The following FBXL7 variants were observed in gnomAD, a reference collection of about 807,000 sequenced individuals.
FBXL7 encodes the protein F-box and leucine rich repeat protein 7.
In FBXL7, 12 loss-of-function variants were observed where a neutral mutation model predicts 38.3. The observed-to-expected ratio is 0.31, with a 90% CI of 0.20 to 0.51. The LOEUF (loss-of-function observed/expected upper bound fraction) is 0.51. Among genes scored for constraint, FBXL7 ranks in the 20% least tolerant of loss-of-function variants. The probability of loss-of-function intolerance (pLI) is 0.98; values close to 1 mark genes in which losing one functional copy is unlikely to be tolerated. For synonymous variants in FBXL7, 297 were observed against 300.9 expected, an observed-to-expected ratio of 0.99 and a Z score of 0.13; for missense variants, 567 against 676.4, an observed-to-expected ratio of 0.84 and a Z score of 1.79.
At chr5:15,694,237 G>A (rs1743266163) in intron 2 of FBXL7, among the ~76,000 whole-genome samples, 1 of 152,192 alleles carries the variant, frequency 6.6e-6, no homozygotes, top group Non-Finnish European at 1.5e-5. Context: ...AGGGATAAGG[G>A]AAAACTCCTC....
intron 2 of FBXL7, among the ~76,000 whole-genome samples, chr5:15,848,314 A>AC (rs1318869176): frequency 1.1e-4 from 16 of 151,930 alleles, no homozygotes; most frequent in Non-Finnish European, 2.4e-4. Flanking sequence ...TAAAAAAAAA[A>AC]CACAATATGG....
In FBXL7 at chr5:15,686,669, A is replaced by G. The variant is rs892421113; in HGVS notation, c.127+70597A>G. 1.2e-4 allele frequency among the ~76,000 whole-genome samples: 18 copies of G among 152,212 alleles called. 1 individual carries two copies. Among genetic ancestry groups the G allele is most frequent in the African/African-American group, 4.1e-4 (17 of 41,444 alleles). On this transcript the variant is annotated intron_variant, in intron 2 of 3. Coordinates refer to ENST00000504595, the MANE Select transcript of FBXL7 (RefSeq NM_012304.5). ...CATAATTAGAAAGAAACCTCAATTTATATAATTTTCAATGTAATTTAGAAG... is the reference window on the plus strand; with the variant it reads ...CATAATTAGAAAGAAACCTCAATTTGTATAATTTTCAATGTAATTTAGAAG...
chr5:15,520,228 T>C (rs1467677092), intron 1 of FBXL7, among the ~76,000 whole-genome samples: 1 of 152,212 alleles, frequency 6.6e-6, no homozygotes, highest in African/African-American at 2.4e-5. Context: ...TTGTGACCTG[T>C]ATCTTGTGGC....
At chr5:15,682,605 T>C (rs372422351) in intron 2 of FBXL7, among the ~76,000 whole-genome samples, 25 of 152,374 alleles carry the variant, frequency 1.6e-4, no homozygotes, top group African/African-American at 5.8e-4. Context: ...AATACTTTAT[T>C]TTTATAGCAC....
At chr5:15,619,701 C>T (rs923882711) in intron 2 of FBXL7, among the ~76,000 whole-genome samples, 1 of 152,102 alleles carries the variant, frequency 6.6e-6, no homozygotes, top group African/African-American at 2.4e-5. Context: ...TTTAAAATGA[C>T]ATATATTGTA....
intron 2 of FBXL7, among the ~76,000 whole-genome samples, chr5:15,749,244 CAA>C (rs70938027): frequency 0.011 from 782 of 69,988 alleles, 1 homozygote; most frequent in African/African-American, 0.04. Context: ...GACTCTGTCT[CAA>C]AAAAAAAAAA....
At position 15,876,768 on chromosome 5, in the gene FBXL7, C is replaced by A. The variant is rs562431660; in HGVS notation, c.128-51122C>A. Among the ~76,000 whole-genome samples, 14 of 152,192 alleles carry A rather than the reference C, an allele frequency of 9.2e-5. 1 individual carries two copies. The highest frequency in any genetic ancestry group is 3.4e-4 in the African/African-American group (14 of 41,520). On this transcript the variant is annotated intron_variant, in intron 2 of 3. Transcript: ENST00000504595. ...CTTATTTCAATTTCTTTAAAATAAG[C>A]AATTAGAAAACTAAAGTCAGGTAAT... is the stretch of plus-strand genomic sequence containing the variant.
intron 2 of FBXL7, among the ~76,000 whole-genome samples, chr5:15,787,420 C>G (rs902254541): frequency 2.0e-5 from 3 of 152,044 alleles, no homozygotes; most frequent in Non-Finnish European, 4.4e-5. Context: ...GAAGGCAAGC[C>G]GTGCAGAGAT....
intron 1 of FBXL7, among the ~76,000 whole-genome samples, chr5:15,501,987 CA>C (rs1386229024): frequency 6.7e-6 from 1 of 149,574 alleles, no homozygotes; most frequent in Non-Finnish European, 1.5e-5. Flanking sequence ...TTTTAGATAG[CA>C]AATGTGAAAG....
At chr5:15,629,066 C>A (rs1740912059) in intron 2 of FBXL7, among the ~76,000 whole-genome samples, 1 of 151,490 alleles carries the variant, frequency 6.6e-6, no homozygotes. Flanking sequence ...TTGCTTGAGG[C>A]TAGGAGTTCA....
At chr5:15,584,639 T>C (rs2126472248) in intron 1 of FBXL7, among the ~76,000 whole-genome samples, 1 of 152,356 alleles carries the variant, frequency 6.6e-6, no homozygotes, top group South Asian at 2.1e-4. Context: ...TTTCTCTTTC[T>C]GGGCTCTCCA....
chr5:15,883,292 G>A (rs1740536649), intron 2 of FBXL7, among the ~76,000 whole-genome samples: 1 of 152,170 alleles, frequency 6.6e-6, no homozygotes. Context: ...TGACAGAGAA[G>A]TTTTAAGGTT....
chr5:15,796,491 T>A (rs1737419729), intron 2 of FBXL7, among the ~76,000 whole-genome samples: 1 of 147,960 alleles, frequency 6.8e-6, no homozygotes, highest in Non-Finnish European at 1.5e-5. Flanking sequence ...AAAAAAAAAA[T>A]TGCCAAGCCT....
At chr5:15,869,003 C>T (rs1157100785) in intron 2 of FBXL7, among the ~76,000 whole-genome samples, 1 of 152,154 alleles carries the variant, frequency 6.6e-6, no homozygotes, top group African/African-American at 2.4e-5. Context: ...AATCCAGGCA[C>T]AGGTTAGCTA....
chr5:15,838,805 G>GTGTT (rs1405426865), intron 2 of FBXL7, among the ~76,000 whole-genome samples: 5 of 152,022 alleles, frequency 3.3e-5, no homozygotes, highest in Non-Finnish European at 7.4e-5. Flanking sequence ...CCTGGGCCCT[G>GTGTT]TGTTTATCTC....
Position 15,920,188 on chromosome 5 carries a change from C to T in FBXL7, c.128-7702C>T, listed in dbSNP as rs142008092. 3.6e-3 allele frequency among the ~76,000 whole-genome samples: 552 copies of T among 151,900 alleles called. 3 individuals carry two copies. Among genetic ancestry groups the T allele is most frequent in the African/African-American group, 0.013 (534 of 41,430 alleles). On this transcript the variant is annotated intron_variant, in intron 2 of 3. Coordinates refer to ENST00000504595, the MANE Select transcript of FBXL7 (RefSeq NM_012304.5). Reference sequence around the variant, plus strand: ...AGGAGAATTGCTTGAACCCAGGAGGCGGAGGTTGCAGTGAGCCAAGATTGC... The same window carrying T: ...AGGAGAATTGCTTGAACCCAGGAGGTGGAGGTTGCAGTGAGCCAAGATTGC...
In FBXL7 at chr5:15,733,743, G is replaced by A. The variant is rs146152029; in HGVS notation, c.127+117671G>A. The stretch of plus-strand genomic sequence containing the variant: ...CTAAACTAAAAGAAACAAGCTTTGT[G>A]ATAAATTGCAGGTTAATGTTTTGTA... On this transcript the variant is annotated intron_variant, in intron 2 of 3. Coordinates refer to ENST00000504595, the MANE Select transcript of FBXL7 (RefSeq NM_012304.5). Among the ~76,000 whole-genome samples the A allele has an allele frequency of 3.3e-5, 5 of 152,314 alleles. No individual in the cohort carries two copies. In the East Asian group the frequency reaches 9.6e-4, roughly 29 times the overall value.
chr5:15,793,051 C>T (rs1737317432), intron 2 of FBXL7, among the ~76,000 whole-genome samples: 2 of 152,136 alleles, frequency 1.3e-5, no homozygotes, highest in South Asian at 2.1e-4. Context: ...AAGCTGCATG[C>T]CTCTGGGGAC....
intron 2 of FBXL7, among the ~76,000 whole-genome samples, chr5:15,682,388 G>A (rs1484111197): frequency 6.6e-6 from 1 of 152,122 alleles, no homozygotes; most frequent in African/African-American, 2.4e-5. Flanking sequence ...GTATCCAGGA[G>A]GAAAACAGGT....
Sources: gnomAD v4.1 joint callset for allele counts (sites outside exome capture counted in the v4.1 genomes callset) on GRCh38, gnomAD v4.1.1 for gene constraint, MANE v1.5 for transcripts, NCBI Gene and HGNC (gene_info 2026-07-23, HGNC 2026-07-21) for gene names.